The following RFX8 variants were observed in gnomAD, a reference collection of about 807,000 sequenced individuals.
The protein encoded by RFX8 is DNA-binding protein RFX8.
A neutral mutation model predicts 54.6 loss-of-function variants in RFX8; 46 were observed. That is an observed-to-expected ratio of 0.84 (90% CI 0.67 to 1.08). RFX8 has a LOEUF of 1.08. Among genes scored for constraint, RFX8 ranks in the 50% least tolerant of loss-of-function variants. The pLI, the probability that RFX8 is intolerant of heterozygous loss-of-function variation, is 0.00. For synonymous variants in RFX8, 192 were observed against 209.5 expected (o/e 0.92, Z 0.72); for missense variants, 536 against 562.3 (o/e 0.95, Z 0.47).
chr2:101,417,764 G>T, intron 5 of RFX8, 80 bp from the exon 6 acceptor site: 1 of 1,259,840 alleles, frequency 7.9e-7, no homozygotes, highest in Non-Finnish European at 1.1e-6. Flanking sequence ...ACAGGGACAG[G>T]GCGGGTCTCA....
chr2:101,406,043 T>C lies in RFX8; in HGVS notation c.828A>G (p.Lys276=). The C allele has an allele frequency of 6.5e-7, 1 of 1,544,332 alleles. No individual in the cohort carries two copies. Among genetic ancestry groups the C allele is most frequent in the Non-Finnish European group, 8.7e-7 (1 of 1,143,440 alleles). Residue 276 remains lysine (K), a synonymous_variant, in exon 10 of 12, where the codon AAA becomes AAG. Transcript: ENST00000428343. ...TGGCGGCCAATTTGGTAAACTCTTC[T>C]TTGCTTCTGCTTGTCTGTTAAGTTT... ...QAFVFQTSRS[K]EEFTKLAASF...
At chr2:101,438,256 G>A (rs1381561956) in intron 2 of RFX8, among the ~76,000 whole-genome samples, 1 of 151,990 alleles carries the variant, frequency 6.6e-6, no homozygotes, top group Non-Finnish European at 1.5e-5. Flanking sequence ...CAGCTGTTGT[G>A]CTAGTGAATA....
At chr2:101,436,104 G>A (rs1212068480) in intron 2 of RFX8, among the ~76,000 whole-genome samples, 1 of 152,176 alleles carries the variant, frequency 6.6e-6, no homozygotes, top group African/African-American at 2.4e-5. Context: ...CGGGTGTGGA[G>A]GGAGGAGCGG....
At chr2:101,437,660 G>A (rs1427397453) in intron 2 of RFX8, among the ~76,000 whole-genome samples, 4 of 152,122 alleles carry the variant, frequency 2.6e-5, no homozygotes, top group Non-Finnish European at 5.9e-5. Context: ...ATAATTCAGA[G>A]AGATCTCTTT....
intron 2 of RFX8, among the ~76,000 whole-genome samples, chr2:101,464,804 A>C (rs1009197882): frequency 2.0e-5 from 3 of 152,184 alleles, no homozygotes; most frequent in Non-Finnish European, 4.4e-5. Flanking sequence ...ATTACCATGA[A>C]GGTGAAACAG....
chr2:101,451,068 TGAA>T (rs1207436289), intron 2 of RFX8, among the ~76,000 whole-genome samples: 1 of 140,654 alleles, frequency 7.1e-6, no homozygotes, highest in East Asian at 2.0e-4. Context: ...CTCCCTCCAC[TGAA>T]GTTGTCAGAA....
chr2:101,457,893 C>T (rs1319955504), intron 2 of RFX8, among the ~76,000 whole-genome samples: 1 of 152,154 alleles, frequency 6.6e-6, no homozygotes. Flanking sequence ...CTGGGTGCTC[C>T]TGTATTGGGT....
intron 1 of RFX8, among the ~76,000 whole-genome samples, chr2:101,469,122 AAG>A (rs1491165666): frequency 3.4e-4 from 40 of 116,442 alleles, no homozygotes; most frequent in African/African-American, 1.0e-3. Flanking sequence ...ATATATATAT[AAG>A]TATATATATA....
At chr2:101,460,893 G>A (rs1165136356) in intron 2 of RFX8, among the ~76,000 whole-genome samples, 2 of 151,762 alleles carry the variant, frequency 1.3e-5, no homozygotes, top group African/African-American at 4.8e-5. Flanking sequence ...AGCAGGGCAA[G>A]TTTGACACAA....
At chr2:101,417,785 G>C in intron 5 of RFX8, 101 bp from the exon 6 acceptor site, 2 of 955,482 alleles carry the variant, frequency 2.1e-6, no homozygotes, top group Admixed American at 6.3e-5. Flanking sequence ...AGAAGTCTGA[G>C]AGCGGGTCCC....
At chr2:101,439,879 C>A (rs892499434) in intron 2 of RFX8, among the ~76,000 whole-genome samples, 1 of 152,038 alleles carries the variant, frequency 6.6e-6, no homozygotes, top group East Asian at 1.9e-4. Flanking sequence ...CATAGCCGAG[C>A]GGATCTATTT....
intron 10 of RFX8, 29 bp from the exon 11 acceptor site, chr2:101,402,781 T>C (rs1376517122): frequency 6.6e-7 from 1 of 1,513,042 alleles, no homozygotes; most frequent in Admixed American, 2.0e-5. Context: ...CAAAAATGAA[T>C]ACATTTGATC....
chr2:101,421,205 T>A, intron 4 of RFX8: 1 of 972,664 alleles, frequency 1.0e-6, no homozygotes, highest in Non-Finnish European at 1.2e-6. Flanking sequence ...TGTGCACTTG[T>A]TTCCTTGGAT....
chr2:101,432,595 G>A (rs1012190839), intron 2 of RFX8, among the ~76,000 whole-genome samples: 1 of 152,202 alleles, frequency 6.6e-6, no homozygotes, highest in Non-Finnish European at 1.5e-5. Flanking sequence ...AGCCCTGAGT[G>A]CCCACCGGGA....
chr2:101,446,955 A>C (rs1425546221), intron 2 of RFX8, among the ~76,000 whole-genome samples: 1 of 152,128 alleles, frequency 6.6e-6, no homozygotes, highest in Non-Finnish European at 1.5e-5. Flanking sequence ...TCCTTTTCCT[A>C]GCTTCTCTAT....
intron 7 of RFX8, among the ~76,000 whole-genome samples, chr2:101,413,477 C>A (rs1422865848): frequency 6.6e-6 from 1 of 152,164 alleles, no homozygotes; most frequent in African/African-American, 2.4e-5. Context: ...CTCGTGGGAG[C>A]CTTGGCCATG....
At chr2:101,411,620 A>G (rs767875449) in intron 8 of RFX8, among the ~76,000 whole-genome samples, 7 of 152,176 alleles carry the variant, frequency 4.6e-5, no homozygotes, top group Admixed American at 4.6e-4. Flanking sequence ...TCAGAACTGC[A>G]GAATTACTAA....
chr2:101,447,217 A>G (rs958324099), intron 2 of RFX8, among the ~76,000 whole-genome samples: 2 of 151,998 alleles, frequency 1.3e-5, no homozygotes, highest in East Asian at 3.9e-4. Context: ...AAATCTGAAC[A>G]ACGGCAGCAG....
In RFX8 at chr2:101,466,307, CGG is replaced by C. The variant is rs1259684566; in HGVS notation, c.72+468_72+469del. The stretch of plus-strand genomic sequence containing the variant: ...GGGCAACAAGAGGGAAATTCTATCT[CGG>C]AAAAAAAAAAAAAAAAAGATCTTAA... On this transcript the variant is annotated intron_variant, in intron 2 of 11. Coordinates refer to ENST00000428343, the MANE Select transcript of RFX8 (RefSeq NM_001145664.2). Among the ~76,000 whole-genome samples, 3 of 79,228 alleles carry C rather than the reference CGG, an allele frequency of 3.8e-5. No homozygotes were observed. The Admixed American group carries it at 3.8e-4, about 10-fold the overall frequency. The allele number at this position is 79,228 out of a possible 152,430, so 52.0% of individuals were successfully genotyped here.
Sources: allele counts gnomAD v4.1 joint callset (sites outside exome capture counted in the v4.1 genomes callset), GRCh38; gene constraint gnomAD v4.1.1; transcripts MANE v1.5; gene names NCBI Gene and HGNC (gene_info 2026-07-23, HGNC 2026-07-21).